COL19A1: variants seen among roughly 807,000 people sequenced by gnomAD.
COL19A1 encodes collagen type XIX alpha 1 chain, also known as collagen alpha-1(XIX) chain.
Under a neutral mutation model 190.2 loss-of-function variants are expected in COL19A1, and 159 were observed. The observed-to-expected ratio is 0.84, with a 90% confidence interval of 0.73 to 0.95. The LOEUF (loss-of-function observed/expected upper bound fraction) is 0.95, where lower values mean the gene tolerates loss of function less well. Ranked by LOEUF, COL19A1 falls within the 40% of genes least tolerant of loss-of-function variation. The pLI is 0.00. For synonymous variants in COL19A1, 509 were observed against 458.9 expected (o/e 1.11, Z -1.39); for missense variants, 1,418 against 1,431.9 (o/e 0.99, Z 0.16).
At chr6:70,138,927 T>C (rs1391597042) in intron 19 of COL19A1, among the ~76,000 whole-genome samples, 1 of 152,040 alleles carries the variant, frequency 6.6e-6, no homozygotes, top group Non-Finnish European at 1.5e-5. Flanking sequence ...CTGCCAACTC[T>C]CTAGGTGCTC....
chr6:70,118,813 AGTTGTGCCCTTGCC>A (rs1784726277), intron 16 of COL19A1, among the ~76,000 whole-genome samples: 1 of 139,592 alleles, frequency 7.2e-6, no homozygotes, highest in Non-Finnish European at 1.5e-5. Context: ...GTTTTTAGTG[AGTTGTGCCCTTGCC>A]TTTGTTTTTA....
At chr6:70,135,701 T>C (rs1785822046) in intron 18 of COL19A1, among the ~76,000 whole-genome samples, 1 of 152,072 alleles carries the variant, frequency 6.6e-6, no homozygotes, top group South Asian at 2.1e-4. Context: ...GATTTGGGGA[T>C]TGGGGCAAGT....
rs553780468 is a variant in COL19A1, at chr6:70,135,339, T to TCC, written c.1384-2343_1384-2342dup. 7.0e-4 allele frequency among the ~76,000 whole-genome samples: 107 copies of TCC among 152,184 alleles called. 4 individuals are homozygous for TCC. The South Asian group carries it at 0.022, about 32-fold the overall frequency. On this transcript the variant is annotated intron_variant, in intron 18 of 50. Coordinates refer to ENST00000620364, the MANE Select transcript of COL19A1 (RefSeq NM_001858.6). ...TGACCAAGTTAACCTTCAGTCTCTC[T>TCC]CCCCTCCCCAGAGGTTGGAGGTGAG...
At chr6:69,925,154 T>C (rs1772277291) in intron 4 of COL19A1, among the ~76,000 whole-genome samples, 1 of 152,200 alleles carries the variant, frequency 6.6e-6, no homozygotes, top group South Asian at 2.1e-4. Flanking sequence ...ACATGAAGTC[T>C]TTGCCCAAGC....
intron 48 of COL19A1, among the ~76,000 whole-genome samples, chr6:70,192,003 G>A (rs1583135459): frequency 6.6e-6 from 1 of 152,134 alleles, no homozygotes; most frequent in African/African-American, 2.4e-5. Context: ...AGTAACACTG[G>A]GACTTGTAGC....
intron 11 of COL19A1, among the ~76,000 whole-genome samples, chr6:70,022,136 G>A (rs1778448333): frequency 6.6e-6 from 1 of 151,632 alleles, no homozygotes; most frequent in African/African-American, 2.4e-5. Flanking sequence ...TTACTTTTTT[G>A]CAAATAAAAT....
At chr6:70,082,532 C>A (rs913501786) in intron 15 of COL19A1, among the ~76,000 whole-genome samples, 2 of 152,156 alleles carry the variant, frequency 1.3e-5, no homozygotes, top group African/African-American at 4.8e-5. Flanking sequence ...CCTGTCTCAG[C>A]CTCCCAAGTA....
chr6:70,032,004 T>C (rs1177233326), intron 12 of COL19A1, among the ~76,000 whole-genome samples: 2 of 152,064 alleles, frequency 1.3e-5, no homozygotes, highest in Non-Finnish European at 2.9e-5. Context: ...GGAATTGCAA[T>C]AAGGGAGACA....
At chr6:70,155,378 A>C (rs1157592706) in intron 31 of COL19A1, among the ~76,000 whole-genome samples, 1 of 152,102 alleles carries the variant, frequency 6.6e-6, no homozygotes, top group Non-Finnish European at 1.5e-5. Context: ...TTATTCCAAC[A>C]ATTTATTTAA....
In COL19A1 at chr6:69,876,068, C is replaced by T. The variant is rs118118886; in HGVS notation, c.-32-3468C>T. Among the ~76,000 whole-genome samples, 1,013 of 152,114 alleles carry T rather than the reference C, an allele frequency of 6.7e-3. 24 individuals carry two copies. In the East Asian group the frequency reaches 0.071, roughly 11 times the overall value. On this transcript the variant is annotated intron_variant, in intron 1 of 50. Coordinates refer to ENST00000620364, the MANE Select transcript of COL19A1 (RefSeq NM_001858.6). ...AGAGTTTCAGGAAGGAAAGAATTGTCGGCTATTGGAGGTGCCACCAAGAAT... is the reference window on the plus strand; with the variant it reads ...AGAGTTTCAGGAAGGAAAGAATTGTTGGCTATTGGAGGTGCCACCAAGAAT...
intron 4 of COL19A1, among the ~76,000 whole-genome samples, chr6:69,916,562 A>G (rs1212420661): frequency 1.3e-5 from 2 of 152,202 alleles, no homozygotes; most frequent in Non-Finnish European, 1.5e-5. Flanking sequence ...AGAGGAAGGA[A>G]CTATAATAAT....
intron 14 of COL19A1, among the ~76,000 whole-genome samples, chr6:70,044,563 T>A (rs1779807023): frequency 6.6e-6 from 1 of 152,200 alleles, no homozygotes; most frequent in African/African-American, 2.4e-5. Context: ...GAGGCCATTG[T>A]ATGGTTATTA....
chr6:69,986,489 T>C (rs1776324206), intron 11 of COL19A1, among the ~76,000 whole-genome samples: 1 of 152,118 alleles, frequency 6.6e-6, no homozygotes. Flanking sequence ...CCTGATCCCC[T>C]GGATCAGAAG....
intron 4 of COL19A1, among the ~76,000 whole-genome samples, chr6:69,920,684 C>A (rs1487879199): frequency 1.3e-5 from 2 of 151,414 alleles, no homozygotes; most frequent in Non-Finnish European, 2.9e-5. Flanking sequence ...CTCATAGGCC[C>A]ATGAATATCT....
chr6:69,908,337 T>C (rs1366379337), intron 4 of COL19A1, among the ~76,000 whole-genome samples: 1 of 152,150 alleles, frequency 6.6e-6, no homozygotes, highest in Non-Finnish European at 1.5e-5. Flanking sequence ...ATTCCTTCAT[T>C]GTGTAGATAG....
intron 9 of COL19A1, among the ~76,000 whole-genome samples, chr6:69,956,246 C>T (rs1774412548): frequency 2.0e-5 from 3 of 152,010 alleles, no homozygotes; most frequent in Admixed American, 2.0e-4. Context: ...ATAATAGGAT[C>T]TAATTCATTT....
chr6:69,986,411 C>T (rs548378563), intron 11 of COL19A1, among the ~76,000 whole-genome samples: 8 of 152,022 alleles, frequency 5.3e-5, no homozygotes, highest in East Asian at 1.9e-4. Flanking sequence ...TTTCTCATAA[C>T]GTGATCTGAA....
At chr6:70,114,626 A>G (rs1784463587) in intron 16 of COL19A1, among the ~76,000 whole-genome samples, 2 of 152,080 alleles carry the variant, frequency 1.3e-5, no homozygotes, top group Non-Finnish European at 1.5e-5. Context: ...CTTTCCCAGG[A>G]TTTAGGAACT....
chr6:70,166,106 A>C, intron 37 of COL19A1, 121 bp downstream of exon 37: 1 of 872,622 alleles, frequency 1.1e-6, no homozygotes, highest in Non-Finnish European at 1.9e-6. Context: ...TCGTGTATAA[A>C]TATAAATGAT....
Sources: gnomAD v4.1 joint callset for allele counts (sites outside exome capture counted in the v4.1 genomes callset) on GRCh38, gnomAD v4.1.1 for gene constraint, MANE v1.5 for transcripts, NCBI Gene and HGNC (gene_info 2026-07-23, HGNC 2026-07-21) for gene names.